The following ZCCHC7 variants were observed in gnomAD, a reference collection of about 807,000 sequenced individuals.
The protein encoded by ZCCHC7 is zinc finger CCHC domain-containing protein 7.
A neutral mutation model predicts 52.0 loss-of-function variants in ZCCHC7; 35 were observed. That is an observed-to-expected ratio of 0.67 (90% CI 0.51 to 0.89). The LOEUF (loss-of-function observed/expected upper bound fraction) is 0.89. ZCCHC7 is among the 40% of genes least tolerant of loss of function. The pLI is 0.00. For synonymous variants in ZCCHC7, 217 were observed against 221.5 expected (o/e 0.98, Z 0.18); for missense variants, 574 against 649.1 (o/e 0.88, Z 1.26).
chr9:37,147,419 C>CTAA (rs1375271389), intron 2 of ZCCHC7: 1 of 151,774 alleles, frequency 6.6e-6, no homozygotes, highest in Admixed American at 6.6e-5. Context: ...TTGAAAGTGT[C>CTAA]TAATATTGGC....
chr9:37,354,724 A>G lies in ZCCHC7; in HGVS notation c.1098A>G (p.Arg366=). ...KGHYGHECPE[R]EVYDPSPVSP... ...ACAATTTATAGGAATGTCCAGAAAG[A>G]GAAGTGTATGACCCGTCTCCAGTAT... Residue 366 remains arginine (R), a synonymous_variant, in exon 8 of 9, where the codon AGA becomes AGG. Coordinates refer to ENST00000336755, the MANE Select transcript of ZCCHC7 (RefSeq NM_032226.3). The surrounding 1 kb of genome is among the most constrained non-coding windows in gnomAD (Gnocchi z 4.0). 6.2e-7 allele frequency: 1 copy of G among 1,610,708 alleles called. No individual in the cohort carries two copies. Among genetic ancestry groups the G allele is most frequent in the Non-Finnish European group, 8.5e-7 (1 of 1,177,242 alleles).
intron 2 of ZCCHC7, among the ~76,000 whole-genome samples, chr9:37,276,439 A>C (rs534906700): frequency 2.0e-5 from 3 of 152,336 alleles, no homozygotes; most frequent in South Asian, 2.1e-4. Flanking sequence ...CTACTATGTG[A>C]CCATGGCCAG....
At chr9:37,288,868 C>G (rs1356291505) in intron 2 of ZCCHC7, among the ~76,000 whole-genome samples, 5 of 152,190 alleles carry the variant, frequency 3.3e-5, no homozygotes, top group Admixed American at 2.6e-4. Flanking sequence ...CCTTGGTACT[C>G]TCACCCAGTC....
chr9:37,199,919 T>C (rs1823539703), intron 2 of ZCCHC7, among the ~76,000 whole-genome samples: 1 of 151,494 alleles, frequency 6.6e-6, no homozygotes, highest in African/African-American at 2.4e-5. Context: ...TTGGCCAGGC[T>C]GGTCTCAAAC....
At chr9:37,279,268 A>G (rs902132052) in intron 2 of ZCCHC7, among the ~76,000 whole-genome samples, 1 of 152,178 alleles carries the variant, frequency 6.6e-6, no homozygotes, top group Non-Finnish European at 1.5e-5. Flanking sequence ...TGGCAACTAT[A>G]TCAGAAAGGA....
At chr9:37,147,446 G>A (rs1286760887) in intron 2 of ZCCHC7, 2 of 151,912 alleles carry the variant, frequency 1.3e-5, no homozygotes, top group Non-Finnish European at 2.9e-5. Context: ...AGAGCTATAG[G>A]TGGGTGTATC....
chr9:37,232,007 G>A (rs2133316129), intron 2 of ZCCHC7, among the ~76,000 whole-genome samples: 1 of 152,322 alleles, frequency 6.6e-6, no homozygotes, highest in South Asian at 2.1e-4. Flanking sequence ...TCTGCAAACA[G>A]CAATGTATTG....
intron 2 of ZCCHC7, among the ~76,000 whole-genome samples, chr9:37,163,199 C>T (rs1821203586): frequency 6.6e-6 from 1 of 150,814 alleles, no homozygotes; most frequent in Non-Finnish European, 1.5e-5. Flanking sequence ...GACTCTGTCT[C>T]AAAAACAAAC....
At chr9:37,309,134 G>C (rs976958768) in intron 5 of ZCCHC7, among the ~76,000 whole-genome samples, 5 of 152,044 alleles carry the variant, frequency 3.3e-5, no homozygotes, top group Admixed American at 6.6e-5. Context: ...ATTACATGGC[G>C]AAGGTTCTGG....
In ZCCHC7 at chr9:37,356,833, A is replaced by G. The variant is rs1202980324; in HGVS notation, c.1199-2A>G. The G allele has an allele frequency of 6.3e-7, 1 of 1,575,790 alleles. No homozygotes were observed. Among genetic ancestry groups the G allele is most frequent in the Non-Finnish European group, 8.6e-7 (1 of 1,168,126 alleles). On this transcript the variant is annotated splice_acceptor_variant, in intron 8 of 8. Coordinates refer to ENST00000336755, the MANE Select transcript of ZCCHC7 (RefSeq NM_032226.3). LOFTEE classifies it high-confidence loss of function. ...ATGCAAAAATACTTTTATATTTTTC[A>G]GTACTCAAGAAAAATGGGGTTATCC...
At chr9:37,248,016 GCCTATTTATT>G (rs1036706230) in intron 2 of ZCCHC7, among the ~76,000 whole-genome samples, 9 of 151,600 alleles carry the variant, frequency 5.9e-5, no homozygotes, top group Admixed American at 5.9e-4. Context: ...GAAGAGTATT[GCCTATTTATT>G]CCTATTTATT....
intron 2 of ZCCHC7, among the ~76,000 whole-genome samples, chr9:37,177,156 G>A (rs887522175): frequency 1.3e-5 from 2 of 151,964 alleles, no homozygotes; most frequent in South Asian, 2.1e-4. Context: ...CCTGGCCAAC[G>A]CAGTGAAACC....
chr9:37,301,449 A>G (rs1353510390), intron 2 of ZCCHC7, among the ~76,000 whole-genome samples: 1 of 152,094 alleles, frequency 6.6e-6, no homozygotes, highest in Non-Finnish European at 1.5e-5. Flanking sequence ...AAATTATAAA[A>G]ATTAGCCTAG....
chr9:37,178,709 T>G (rs959871297), intron 2 of ZCCHC7, among the ~76,000 whole-genome samples: 1 of 152,208 alleles, frequency 6.6e-6, no homozygotes, highest in South Asian at 2.1e-4. Context: ...TTTACAGATA[T>G]TAAACAGTGA....
intron 2 of ZCCHC7, among the ~76,000 whole-genome samples, chr9:37,217,168 A>AT (rs1824550232): frequency 6.6e-6 from 1 of 152,072 alleles, no homozygotes; most frequent in Non-Finnish European, 1.5e-5. Context: ...ACAGATGAAT[A>AT]TTTTTTCTTA....
intron 2 of ZCCHC7, among the ~76,000 whole-genome samples, chr9:37,162,252 T>C (rs1055183631): frequency 7.2e-5 from 11 of 152,126 alleles, no homozygotes; most frequent in African/African-American, 2.7e-4. Context: ...TAGTATAGTA[T>C]ATTTGACACG....
intron 2 of ZCCHC7, among the ~76,000 whole-genome samples, chr9:37,198,717 A>G (rs1823422236): frequency 6.6e-6 from 1 of 152,212 alleles, no homozygotes; most frequent in Non-Finnish European, 1.5e-5. Flanking sequence ...AAACTTGTGT[A>G]TATTCTGCAG....
intron 3 of ZCCHC7, among the ~76,000 whole-genome samples, chr9:37,303,897 G>A (rs955163794): frequency 9.9e-5 from 15 of 151,776 alleles, no homozygotes; most frequent in East Asian, 1.9e-4. Flanking sequence ...TCCCGACCTC[G>A]GGTGATCCGC....
At chr9:37,167,735 A>G (rs901376432) in intron 2 of ZCCHC7, among the ~76,000 whole-genome samples, 3 of 152,208 alleles carry the variant, frequency 2.0e-5, no homozygotes, top group Non-Finnish European at 2.9e-5. Flanking sequence ...CTTGCGTTTA[A>G]GATTTGCTAG....
Sources: gnomAD v4.1 joint callset for allele counts (sites outside exome capture counted in the v4.1 genomes callset) on GRCh38, gnomAD v4.1.1 for gene constraint, Gnocchi (gnomAD v3.1) non-coding constraint, MANE v1.5 for transcripts, NCBI Gene and HGNC (gene_info 2026-07-23, HGNC 2026-07-21) for gene names.